The following RBFOX1 variants were observed in gnomAD, a reference collection of about 807,000 sequenced individuals.
The protein encoded by RBFOX1 is RNA binding fox-1 homolog 1.
RBFOX1 carries 8 observed loss-of-function variants against 57.7 expected under a neutral mutation model. The observed-to-expected ratio is 0.14, with a 90% CI of 0.08 to 0.25. RBFOX1 has a LOEUF of 0.25. Ranked by LOEUF, RBFOX1 falls within the 10% of genes least tolerant of loss-of-function variation. RBFOX1 has a pLI of 1.00. For synonymous variants in RBFOX1, 326 were observed against 222.4 expected (o/e 1.47, Z -4.15); for missense variants, 611 against 548.5 (o/e 1.11, Z -1.14).
chr16:6,017,171 A>G (rs2094999244), upstream of RBFOX1, among the ~76,000 whole-genome samples: 1 of 152,368 alleles, frequency 6.6e-6, no homozygotes, highest in Admixed American at 6.5e-5. Context: ...ATGTAACAAC[A>G]GCTGATGTTA....
At chr16:6,638,881 C>G (rs1187593570) in intron 2 of RBFOX1, among the ~76,000 whole-genome samples, 2 of 152,140 alleles carry the variant, frequency 1.3e-5, no homozygotes, top group East Asian at 1.9e-4. Context: ...AGTTGGTTCT[C>G]TAATCTTGTG....
chr16:5,719,349 C>G (rs1289300490), intron 3 of RBFOX1, among the ~76,000 whole-genome samples: 2 of 151,426 alleles, frequency 1.3e-5, no homozygotes, highest in African/African-American at 2.4e-5. Flanking sequence ...CTACAGGCAC[C>G]TGCCACCATG....
intron 1 of RBFOX1, among the ~76,000 whole-genome samples, chr16:5,356,583 T>C (rs959428660): frequency 1.3e-5 from 2 of 152,212 alleles, no homozygotes; most frequent in Non-Finnish European, 2.9e-5. Context: ...TGTCCCTAGC[T>C]TCTGGAATGG....
intron 4 of RBFOX1, among the ~76,000 whole-genome samples, chr16:7,370,593 G>A (rs1462177976): frequency 6.6e-6 from 1 of 152,194 alleles, no homozygotes; most frequent in African/African-American, 2.4e-5. Context: ...GCCTTGCAGA[G>A]TTGATAGCAT....
intron 3 of RBFOX1, among the ~76,000 whole-genome samples, chr16:6,660,762 A>G (rs544420649): frequency 8.8e-5 from 11 of 124,502 alleles, no homozygotes; most frequent in African/African-American, 2.8e-4. Context: ...AGCTGCGGTT[A>G]TTTTTATTTT....
intron 4 of RBFOX1, among the ~76,000 whole-genome samples, chr16:7,361,211 T>TATGC (rs1444936226): frequency 1.3e-5 from 2 of 152,158 alleles, no homozygotes; most frequent in African/African-American, 2.4e-5. Context: ...AGTTTCGTTT[T>TATGC]ATGCAGGTTC....
intron 5 of RBFOX1, among the ~76,000 whole-genome samples, chr16:7,574,328 T>C (rs939758286): frequency 6.6e-6 from 1 of 152,184 alleles, no homozygotes; most frequent in Admixed American, 6.5e-5. Flanking sequence ...AAAGAACTAA[T>C]AAAATAGATG....
intron 3 of RBFOX1, among the ~76,000 whole-genome samples, chr16:5,654,045 C>G (rs988070203): frequency 6.6e-6 from 1 of 152,180 alleles, no homozygotes; most frequent in Non-Finnish European, 1.5e-5. Context: ...AGCCTGATGT[C>G]AAGAGTTCCA....
intron 1 of RBFOX1, among the ~76,000 whole-genome samples, chr16:5,434,172 G>C (rs1038749195): frequency 6.6e-6 from 1 of 152,136 alleles, no homozygotes; most frequent in Non-Finnish European, 1.5e-5. Context: ...CATTATTGTT[G>C]TAAGAGTAAA....
intron 4 of RBFOX1, among the ~76,000 whole-genome samples, chr16:7,149,945 C>T (rs1427447024): frequency 6.6e-6 from 1 of 152,120 alleles, no homozygotes; most frequent in Non-Finnish European, 1.5e-5. Flanking sequence ...GCAAAATATG[C>T]CATGTTTTTC....
At chr16:6,261,501 G>T (rs1288191237) in intron 1 of RBFOX1, among the ~76,000 whole-genome samples, 1 of 152,182 alleles carries the variant, frequency 6.6e-6, no homozygotes, top group African/African-American at 2.4e-5. Context: ...TGACTGTACA[G>T]CAGACAAACA....
chr16:6,977,848 T>G (rs2087487796), intron 3 of RBFOX1, among the ~76,000 whole-genome samples: 1 of 150,392 alleles, frequency 6.6e-6, no homozygotes, highest in African/African-American at 2.5e-5. Flanking sequence ...GAAAAGCTGC[T>G]TCCCAATCTG....
At chr16:6,781,814 C>G (rs1302620362) in intron 3 of RBFOX1, among the ~76,000 whole-genome samples, 3 of 151,934 alleles carry the variant, frequency 2.0e-5, no homozygotes, top group East Asian at 1.9e-4. Context: ...TCTCTTTTTT[C>G]TTAGCGTGGC....
chr16:7,417,947 G>T lies in RBFOX1; in HGVS notation c.28-100200G>T, dbSNP rs2098500537. ...TGGATTAGGTACCCTGTTGGCCCTA[G>T]TATGCAGCCTATCACCCAATCACCA... On this transcript the variant is annotated intron_variant, in intron 4 of 15. Transcript: ENST00000550418. Among the ~76,000 whole-genome samples, 3 of 152,186 alleles carry T rather than the reference G, an allele frequency of 2.0e-5. No homozygotes were observed. In the South Asian group the frequency reaches 6.2e-4, roughly 32 times the overall value.
At chr16:7,557,256 T>C (rs544405079) in intron 5 of RBFOX1, among the ~76,000 whole-genome samples, 1 of 152,196 alleles carries the variant, frequency 6.6e-6, no homozygotes, top group African/African-American at 2.4e-5. Flanking sequence ...CACAGCTTTA[T>C]TGCCAAAGAG....
chr16:5,924,976 A>G (rs2058911768), intron 4 of RBFOX1, among the ~76,000 whole-genome samples: 1 of 152,140 alleles, frequency 6.6e-6, no homozygotes, highest in African/African-American at 2.4e-5. Flanking sequence ...GGACCTTCCT[A>G]TTCTTCCTTG....
At chr16:5,839,844 C>T (rs1233199870) in intron 3 of RBFOX1, among the ~76,000 whole-genome samples, 2 of 152,100 alleles carry the variant, frequency 1.3e-5, no homozygotes, top group Non-Finnish European at 2.9e-5. Flanking sequence ...AGAAGATGCC[C>T]TCACCAGTAG....
intron 3 of RBFOX1, among the ~76,000 whole-genome samples, chr16:5,635,209 G>T (rs1442648795): frequency 6.6e-6 from 1 of 152,138 alleles, no homozygotes; most frequent in Non-Finnish European, 1.5e-5. Context: ...TGTATTGATG[G>T]TCAGCCATCT....
chr16:5,310,697 G>C (rs1489562618), intron 1 of RBFOX1, among the ~76,000 whole-genome samples: 1 of 152,134 alleles, frequency 6.6e-6, no homozygotes, highest in Non-Finnish European at 1.5e-5. Flanking sequence ...TAAACAGTAG[G>C]GTCTTGCTAG....
Sources: gnomAD v4.1 joint callset for allele counts (sites outside exome capture counted in the v4.1 genomes callset) on GRCh38, gnomAD v4.1.1 for gene constraint, MANE v1.5 for transcripts, NCBI Gene and HGNC (gene_info 2026-07-23, HGNC 2026-07-21) for gene names.